RRP12: variants seen among roughly 807,000 people sequenced by gnomAD.
RRP12 encodes the protein RRP12-like protein.
Under a neutral mutation model 157.3 loss-of-function variants are expected in RRP12, and 78 were observed. The observed-to-expected ratio is 0.50, with a 90% confidence interval of 0.41 to 0.60. The LOEUF (loss-of-function observed/expected upper bound fraction) is 0.60. Among genes scored for constraint, RRP12 ranks in the 20% least tolerant of loss-of-function variants. RRP12 has a pLI of 0.00. For missense variants in RRP12, 1,521 were observed against 1,679.9 expected, an observed-to-expected ratio of 0.91 and a Z score of 1.65; for synonymous variants, 726 against 670.9, an observed-to-expected ratio of 1.08 and a Z score of -1.27.
Position 97,379,344 on chromosome 10 carries a change from C to A in RRP12, c.1747G>T (p.Gly583Cys), listed in dbSNP as rs745966766. 1.2e-6 allele frequency: 2 copies of A among 1,614,086 alleles called. No individual in the cohort carries two copies. The highest frequency in any genetic ancestry group is 2.2e-5 in the South Asian group (2 of 91,066). Reference protein sequence around the residue: ...IRDHVQETRLGFFTTYFLPLA... With the variant: ...IRDHVQETRLCFFTTYFLPLA... ...GGCAAGAAGTAGGTGGTGAAAAAAC[C>A]AAGTCGCGTTTCCTGAACATGGTCT... is the stretch of plus-strand genomic sequence containing the variant. Residue 583 changes from glycine (G) to cysteine (C), a missense_variant, in exon 15 of 34, where the codon GGT becomes TGT. Coordinates refer to ENST00000370992, the MANE Select transcript of RRP12 (RefSeq NM_015179.4).
Position 97,371,020 on chromosome 10 carries a change from G to A in RRP12, c.2405C>T (p.Pro802Leu), listed in dbSNP as rs1255904158. The A allele has an allele frequency of 2.5e-6, 4 of 1,613,796 alleles. No individual in the cohort carries two copies. Among genetic ancestry groups the A allele is most frequent in the Non-Finnish European group, 3.4e-6 (4 of 1,179,962 alleles). Residue 802 changes from proline to leucine, a missense_variant, in exon 21 of 34, where the codon CCT becomes CTT. Coordinates refer to ENST00000370992, the MANE Select transcript of RRP12 (RefSeq NM_015179.4). ...CACGAAGAGGGCCCCGGGGCCCTGA[G>A]GACTGGCACACACCTCCTCCAGCAC... ...YRVLEEVCASPQGPGALFVQS... is the reference protein window; with the variant it reads ...YRVLEEVCASLQGPGALFVQS...
chr10:97,360,427 C>T, intron 31 of RRP12, 119 bp downstream of exon 31: 1 of 788,128 alleles, frequency 1.3e-6, no homozygotes, highest in Non-Finnish European at 2.2e-6. Flanking sequence ...CTGTTGGTGC[C>T]AAGTGAGTGC....
At chr10:97,390,356 C>G in intron 6 of RRP12, 67 bp downstream of exon 6, 1 of 1,243,986 alleles carries the variant, frequency 8.0e-7, no homozygotes, top group Admixed American at 1.7e-5. Context: ...CTAGCCAAGT[C>G]TGGGCTGCAC....
chr10:97,396,531 T>C (rs901367274), intron 2 of RRP12, among the ~76,000 whole-genome samples: 2 of 152,130 alleles, frequency 1.3e-5, no homozygotes, highest in African/African-American at 4.8e-5. Context: ...AATACCTGCA[T>C]GAGATGAGTG....
chr10:97,366,357 G>A, intron 28 of RRP12, 89 bp downstream of exon 28: 5 of 1,553,740 alleles, frequency 3.2e-6, no homozygotes, highest in Non-Finnish European at 1.7e-6. Context: ...CCATGGGCCT[G>A]CCATGGATGC....
intron 9 of RRP12, among the ~76,000 whole-genome samples, chr10:97,385,529 T>C (rs1844605809): frequency 7.3e-6 from 1 of 137,378 alleles, no homozygotes. Flanking sequence ...AGGCCTTCTT[T>C]GAAAAAAAAA....
chr10:97,384,041 C>G (rs1371765367), intron 10 of RRP12, among the ~76,000 whole-genome samples: 2 of 152,184 alleles, frequency 1.3e-5, no homozygotes, highest in Non-Finnish European at 2.9e-5. Flanking sequence ...GGAGGCTGAA[C>G]AGCCTCTCCA....
rs544976375 is a variant in RRP12 at position 97,372,164 on chromosome 10, A to C, written c.2252T>G (p.Leu751Trp). The C allele has an allele frequency of 2.7e-5, 43 of 1,612,972 alleles. 1 individual carries two copies. The East Asian group carries it at 2.9e-4, about 11-fold the overall frequency. The stretch of plus-strand genomic sequence containing the variant: ...GGCCACGACCAGGTCCAGGACAGAC[A>C]ATCTGCTCGGGGCAGGAGGACAAGG... The part of the protein sequence containing the change: ...LDPASSDFTR[L>W]SVLDLVVALA... Residue 751 changes from leucine (L) to tryptophan (W), a missense_variant and splice_region_variant, in exon 20 of 34, where the codon TTG becomes TGG. Transcript: ENST00000370992.
intron 13 of RRP12, among the ~76,000 whole-genome samples, chr10:97,380,075 C>T (rs1016347722): frequency 6.6e-5 from 10 of 152,224 alleles, no homozygotes; most frequent in Admixed American, 6.5e-4. Context: ...AGCAAATCAG[C>T]AGGCGCTGAG....
At chr10:97,400,886 C>T (rs894498275) in intron 1 of RRP12, among the ~76,000 whole-genome samples, 2 of 152,314 alleles carry the variant, frequency 1.3e-5, no homozygotes, top group Non-Finnish European at 2.9e-5. Flanking sequence ...CGGTACCTTA[C>T]ACAAGACATT....
At chr10:97,357,883 C>T (rs974823234) in intron 33 of RRP12, among the ~76,000 whole-genome samples, 2 of 149,720 alleles carry the variant, frequency 1.3e-5, no homozygotes, top group East Asian at 2.0e-4. Context: ...GGCGTGAACC[C>T]GGGAGGCAGA....
Position 97,373,822 on chromosome 10 carries a change from A to G in RRP12, c.1863+8T>C. On this transcript the variant is annotated splice_region_variant and intron_variant, in intron 16 of 33. Transcript: ENST00000370992. ...TTCTCCCCACGCCCTCCCCCAGCTG[A>G]CCCTTACCTGCCACTGGAGTGTGTC... 7 of 1,610,922 alleles carry G rather than the reference A, an allele frequency of 4.3e-6. No homozygotes were observed. The highest frequency in any genetic ancestry group is 5.9e-6 in the Non-Finnish European group (7 of 1,178,610).
rs1845141874 is a variant in RRP12 at position 97,401,284 on chromosome 10, T to C, written c.-53A>G. ...CTTAAATGACCGGCTTCCAGGGACG[T>C]AGAAACACGCTCAGAACCCACGTGG... On this transcript the variant is annotated 5_prime_UTR_variant, in exon 1 of 34. Transcript: ENST00000370992. 3 of 1,609,632 alleles carry C rather than the reference T, an allele frequency of 1.9e-6. No individual in the cohort carries two copies. The East Asian group carries it at 6.7e-5, about 36-fold the overall frequency.
intron 4 of RRP12, 134 bp from the exon 5 acceptor site, chr10:97,390,978 G>C: frequency 1.5e-6 from 1 of 671,720 alleles, no homozygotes; most frequent in Non-Finnish European, 2.7e-6. Flanking sequence ...AACAAAGTCA[G>C]AATAGGCACC....
In RRP12 at chr10:97,358,542, G is replaced by A. The variant is rs769453227; in HGVS notation, c.3786C>T (p.Asn1262=). 1 of 1,613,440 alleles carries A rather than the reference G, an allele frequency of 6.2e-7. No homozygotes were observed. Among genetic ancestry groups the A allele is most frequent in the East Asian group, 2.2e-5 (1 of 44,868 alleles). ...AYIPLNRSKL[N]RRKKMKLQGQ... ...TGCCTGGCACAGCGTCATACCTGCG[G>A]TTGAGCTTGCTTCTGTTGAGGGGGA... Residue 1262 remains asparagine (N), a synonymous_variant, in exon 33 of 34, where the codon AAC becomes AAT. Transcript: ENST00000370992.
At chr10:97,365,280 T>G (rs1293992924) in intron 29 of RRP12, among the ~76,000 whole-genome samples, 1 of 149,470 alleles carries the variant, frequency 6.7e-6, no homozygotes. Flanking sequence ...GTGTTTTTTT[T>G]TTTTTTTTTT....
chr10:97,359,498 G>C (rs1433750822), intron 31 of RRP12, among the ~76,000 whole-genome samples: 2 of 152,212 alleles, frequency 1.3e-5, no homozygotes, highest in Admixed American at 6.5e-5. Flanking sequence ...CATTGTAACA[G>C]ATGTGAACAC....
rs1845143196 is a variant in RRP12, at chr10:97,401,313, C to G, written c.-82G>C. The stretch of plus-strand genomic sequence containing the variant: ...AACACGCTCAGAACCCACGTGGATA[C>G]CCTGTAGCCTTCACTTCCTCTTCTT... On this transcript the variant is annotated 5_prime_UTR_variant, in exon 1 of 34. Transcript: ENST00000370992. 1.9e-6 allele frequency: 3 copies of G among 1,539,062 alleles called. No homozygotes were observed. Among genetic ancestry groups the G allele is most frequent in the African/African-American group, 2.7e-5 (2 of 72,936 alleles).
intron 30 of RRP12, among the ~76,000 whole-genome samples, chr10:97,361,739 A>T (rs1370766708): frequency 1.3e-5 from 2 of 152,162 alleles, no homozygotes; most frequent in Admixed American, 1.3e-4. Flanking sequence ...CTTGGCCAAC[A>T]GCCCAGCCTG....
Sources: allele counts gnomAD v4.1 joint callset (sites outside exome capture counted in the v4.1 genomes callset), GRCh38; gene constraint gnomAD v4.1.1; transcripts MANE v1.5; gene names NCBI Gene and HGNC (gene_info 2026-07-23, HGNC 2026-07-21).